CTNNA3: variants seen among roughly 807,000 people sequenced by gnomAD.
The protein encoded by CTNNA3 is catenin alpha-3.
In CTNNA3, 76 loss-of-function variants were observed where a neutral mutation model predicts 95.7. That is an observed-to-expected ratio of 0.79 (90% CI 0.66 to 0.96). CTNNA3 has a LOEUF of 0.96. CTNNA3 is among the 40% of genes least tolerant of loss of function. CTNNA3 has a pLI of 0.00. For synonymous variants in CTNNA3, 431 were observed against 374.4 expected (o/e 1.15, Z -1.74); for missense variants, 1,191 against 1,089.8 (o/e 1.09, Z -1.31).
chr10:66,651,281 T>C (rs908018338), intron 9 of CTNNA3, among the ~76,000 whole-genome samples: 2 of 152,140 alleles, frequency 1.3e-5, no homozygotes, highest in African/African-American at 2.4e-5. Flanking sequence ...GGAGTGCTGA[T>C]TGGTGCATCC....
At chr10:67,483,199 G>A (rs1203574067) in intron 5 of CTNNA3, among the ~76,000 whole-genome samples, 1 of 151,828 alleles carries the variant, frequency 6.6e-6, no homozygotes, top group African/African-American at 2.4e-5. Context: ...CACTGTGGAA[G>A]TCAGTGTGGA....
intron 12 of CTNNA3, among the ~76,000 whole-genome samples, chr10:66,375,472 C>A (rs750798792): frequency 6.6e-6 from 1 of 151,992 alleles, no homozygotes; most frequent in African/African-American, 2.4e-5. Context: ...TTGAGTCATA[C>A]CTAGTATGTA....
intron 5 of CTNNA3, among the ~76,000 whole-genome samples, chr10:67,464,684 G>A (rs1589317863): frequency 6.6e-6 from 1 of 152,016 alleles, no homozygotes; most frequent in African/African-American, 2.4e-5. Context: ...GCAATTAGTG[G>A]GCCTTTTAAC....
chr10:66,237,932 A>C (rs564614340), intron 13 of CTNNA3, among the ~76,000 whole-genome samples: 1 of 152,180 alleles, frequency 6.6e-6, no homozygotes, highest in South Asian at 2.1e-4. Context: ...AAATAAATTT[A>C]TTCTATGCAT....
intron 1 of CTNNA3, among the ~76,000 whole-genome samples, chr10:67,683,971 G>T (rs979375481): frequency 6.6e-6 from 1 of 152,222 alleles, no homozygotes; most frequent in Non-Finnish European, 1.5e-5. Context: ...AAGGTAATGC[G>T]AACCCAAAGA....
chr10:66,738,182 G>T (rs969542873), intron 9 of CTNNA3, among the ~76,000 whole-genome samples: 4 of 151,998 alleles, frequency 2.6e-5, no homozygotes, highest in African/African-American at 9.7e-5. Flanking sequence ...GTTTGTTTTG[G>T]CTTAATTCCC....
chr10:67,159,608 A>G (rs1440424668), intron 7 of CTNNA3, among the ~76,000 whole-genome samples: 1 of 152,226 alleles, frequency 6.6e-6, no homozygotes, highest in Non-Finnish European at 1.5e-5. Context: ...GGTGTCAAGA[A>G]TACAGAATGG....
chr10:66,387,540 T>A (rs2092902846), intron 11 of CTNNA3, among the ~76,000 whole-genome samples: 1 of 152,170 alleles, frequency 6.6e-6, no homozygotes, highest in South Asian at 2.1e-4. Context: ...ATTGTGGCGA[T>A]TCCTCAAGGA....
At chr10:67,218,051 C>T (rs900116185) in intron 6 of CTNNA3, among the ~76,000 whole-genome samples, 4 of 152,106 alleles carry the variant, frequency 2.6e-5, no homozygotes, top group African/African-American at 7.2e-5. Flanking sequence ...TTCATGTTTA[C>T]ACATCAATCC....
chr10:67,012,153 T>C (rs1852378217), intron 7 of CTNNA3: 1 of 152,222 alleles, frequency 6.6e-6, no homozygotes, highest in Non-Finnish European at 1.5e-5. Flanking sequence ...TGCACTGTAC[T>C]GACAGAAGGG....
intron 11 of CTNNA3, among the ~76,000 whole-genome samples, chr10:66,495,257 G>T (rs1258509661): frequency 2.6e-5 from 4 of 152,084 alleles, no homozygotes; most frequent in Non-Finnish European, 4.4e-5. Flanking sequence ...CGCCTTAGCA[G>T]CCAAACTCCG....
chr10:67,329,717 G>A (rs1841705995), intron 5 of CTNNA3, among the ~76,000 whole-genome samples: 2 of 152,214 alleles, frequency 1.3e-5, no homozygotes, highest in South Asian at 4.1e-4. Context: ...AAATAGTGAA[G>A]CTACTTACAA....
At chr10:67,730,889 A>G (rs1224172326) in intron 1 of CTNNA3, among the ~76,000 whole-genome samples, 1 of 152,170 alleles carries the variant, frequency 6.6e-6, no homozygotes, top group Non-Finnish European at 1.5e-5. Flanking sequence ...AGGAAATTTA[A>G]TTATAGCACA....
chr10:66,866,395 G>A lies in CTNNA3; in HGVS notation c.1048-90871C>T, dbSNP rs144870913. Among the ~76,000 whole-genome samples, 310 of 152,238 alleles carry A rather than the reference G, an allele frequency of 2.0e-3. 1 individual carries two copies. Among genetic ancestry groups the A allele is most frequent in the African/African-American group, 7.1e-3 (296 of 41,550 alleles). On this transcript the variant is annotated intron_variant, in intron 7 of 17. Transcript: ENST00000433211. ...CACTAGAGCTTAGAATGTTGCCTAC[G>A]CATCATCATAATTGCTCAACATCTA... is the stretch of plus-strand genomic sequence containing the variant.
At chr10:67,233,219 C>T (rs1361718735) in intron 5 of CTNNA3, among the ~76,000 whole-genome samples, 6 of 152,038 alleles carry the variant, frequency 3.9e-5, no homozygotes, top group Admixed American at 6.6e-5. Flanking sequence ...TTTTTTTCAG[C>T]ACCACACCAC....
chr10:67,238,938 A>C (rs936976850), intron 5 of CTNNA3, among the ~76,000 whole-genome samples: 1 of 152,210 alleles, frequency 6.6e-6, no homozygotes, highest in East Asian at 1.9e-4. Flanking sequence ...CAAATGAATA[A>C]GAATTAAGCC....
In CTNNA3 at chr10:67,363,739, T is replaced by A. The variant is rs181905177; in HGVS notation, c.580-143869A>T. On this transcript the variant is annotated intron_variant, in intron 5 of 17. Coordinates refer to ENST00000433211, the MANE Select transcript of CTNNA3 (RefSeq NM_013266.4). ...GAAAATCTAGAAAAAATGGATAAATTCCTGGACACATACACTCTCCCAAGA... is the reference window on the plus strand; with the variant it reads ...GAAAATCTAGAAAAAATGGATAAATACCTGGACACATACACTCTCCCAAGA... Among the ~76,000 whole-genome samples, 413 of 152,216 alleles carry A rather than the reference T, an allele frequency of 2.7e-3. 4 individuals carry two copies. Among genetic ancestry groups the A allele is most frequent in the African/African-American group, 9.5e-3 (395 of 41,548 alleles).
At chr10:66,434,917 T>C (rs770674907) in intron 11 of CTNNA3, among the ~76,000 whole-genome samples, 2 of 152,096 alleles carry the variant, frequency 1.3e-5, no homozygotes, top group Admixed American at 6.5e-5. Flanking sequence ...TGTTTTTTTT[T>C]CATTGGTTCT....
intron 13 of CTNNA3, among the ~76,000 whole-genome samples, chr10:66,154,265 T>A (rs1400042563): frequency 6.6e-6 from 1 of 151,818 alleles, no homozygotes; most frequent in Non-Finnish European, 1.5e-5. Context: ...ATATTTTAAA[T>A]TACTCCTGAC....
Sources: gnomAD v4.1 joint callset for allele counts (sites outside exome capture counted in the v4.1 genomes callset) on GRCh38, gnomAD v4.1.1 for gene constraint, MANE v1.5 for transcripts, NCBI Gene and HGNC (gene_info 2026-07-23, HGNC 2026-07-21) for gene names.